The following LGALS12 variants were observed in gnomAD, a reference collection of about 807,000 sequenced individuals.
The protein encoded by LGALS12 is galectin-12.
Under a neutral mutation model 36.8 loss-of-function variants are expected in LGALS12, and 36 were observed. The ratio of observed to expected loss-of-function variants is 0.98; its 90% CI spans 0.75 to 1.29. The LOEUF is 1.29. Ranked by LOEUF, LGALS12 falls within the 50% of genes most tolerant of loss-of-function variation. The pLI is 0.00. For missense variants in LGALS12, 366 were observed against 394.3 expected (o/e 0.93, Z 0.61); for synonymous variants, 145 against 155.9 (o/e 0.93, Z 0.52).
chr11:63,514,478 G>T (rs902058027), intron 7 of LGALS12, among the ~76,000 whole-genome samples: 2 of 152,208 alleles, frequency 1.3e-5, no homozygotes, highest in African/African-American at 4.8e-5. Context: ...GGCTGAGGCA[G>T]GAGAACTGCT....
Position 63,515,706 on chromosome 11 carries a change from T to A in LGALS12, c.791T>A (p.Phe264Tyr), listed in dbSNP as rs146548773. ...CCCTTCCTCTTTTACCCCCAGAGAT[T>A]CTTTGAGGTAGGTCAGAGCCAAATG... The part of the protein sequence containing the change: ...SAPFLFYPQR[F>Y]FEVLLLFQEG... The change falls in exon 8 of 9, where the codon TTC (phenylalanine) becomes TAC (tyrosine). Residue 264 changes from phenylalanine (F) to tyrosine (Y), a missense_variant. Physicochemically the swap from Phe to Tyr is conservative, Grantham distance 22. Transcript: ENST00000394618. The A allele has an allele frequency of 1.2e-6, 2 of 1,614,054 alleles. No homozygotes were observed. Among genetic ancestry groups the A allele is most frequent in the Non-Finnish European group, 1.7e-6 (2 of 1,179,980 alleles).
At chr11:63,514,020 G>A (rs140681148) in intron 7 of LGALS12, among the ~76,000 whole-genome samples, 57 of 152,272 alleles carry the variant, frequency 3.7e-4, no homozygotes, top group African/African-American at 1.3e-3. Context: ...GAGCCATAGT[G>A]GGGCTGGAGG....
At chr11:63,512,848 T>C (rs1160395540) in intron 7 of LGALS12, among the ~76,000 whole-genome samples, 1 of 151,694 alleles carries the variant, frequency 6.6e-6, no homozygotes, top group African/African-American at 2.4e-5. Context: ...GGGTGGTACT[T>C]AGAATAGTGC....
In LGALS12 at chr11:63,514,434, G is replaced by A. The variant is rs549786925; in HGVS notation, c.648-1129G>A. ...AAAATACAAAAATTAGCTGGGCGGT[G>A]CGGGCATGCGCCTGTAGTCCCAGCT... On this transcript the variant is annotated intron_variant, in intron 7 of 8. Coordinates refer to ENST00000394618, the MANE Select transcript of LGALS12 (RefSeq NM_033101.4). Among the ~76,000 whole-genome samples the A allele has an allele frequency of 4.9e-4, 74 of 152,278 alleles. 1 individual carries two copies. The highest frequency in any genetic ancestry group is 2.3e-3 in the South Asian group (11 of 4,826).
At chr11:63,508,194 C>T in intron 1 of LGALS12, 1 of 1,132,222 alleles carries the variant, frequency 8.8e-7, no homozygotes, top group South Asian at 2.3e-5. Context: ...CCTCAGAAAG[C>T]CCCAGTACCA....
At chr11:63,508,395 A>C (rs892786019) in intron 1 of LGALS12, 158 bp from the exon 2 acceptor site, 2 of 1,450,910 alleles carry the variant, frequency 1.4e-6, no homozygotes, top group Admixed American at 2.7e-5. Context: ...AGGTGGAAGA[A>C]AATATTTCAG....
intron 1 of LGALS12, 29 bp from the exon 2 acceptor site, chr11:63,508,524 T>C: frequency 6.2e-7 from 1 of 1,614,032 alleles, no homozygotes; most frequent in Non-Finnish European, 8.5e-7. Flanking sequence ...TCTCCAAACC[T>C]GCATGGATGA....
At chr11:63,515,466 C>T in intron 7 of LGALS12, 97 bp from the exon 8 acceptor site, 2 of 1,427,126 alleles carry the variant, frequency 1.4e-6, no homozygotes, top group South Asian at 2.6e-5. Flanking sequence ...GCTCAACCTT[C>T]CATCCACTCC....
At chr11:63,514,581 A>C (rs1388264023) in intron 7 of LGALS12, among the ~76,000 whole-genome samples, 1 of 152,182 alleles carries the variant, frequency 6.6e-6, no homozygotes, top group African/African-American at 2.4e-5. Flanking sequence ...AAAAAATAAA[A>C]TAAAATAAAG....
At chr11:63,512,021 T>C (rs2016941414) in intron 7 of LGALS12, among the ~76,000 whole-genome samples, 181 bp downstream of exon 7, 1 of 152,226 alleles carries the variant, frequency 6.6e-6, no homozygotes, top group Non-Finnish European at 1.5e-5. Context: ...AAGGTCAGGC[T>C]GGGACTGGGA....
rs377521084 is a variant in LGALS12, at chr11:63,508,644, A to G, written c.158+3A>G. 2 of 1,613,920 alleles carry G rather than the reference A, an allele frequency of 1.2e-6. No homozygotes were observed. The highest frequency in any genetic ancestry group is 1.7e-6 in the Non-Finnish European group (2 of 1,179,994). ...GTGGTCCCTCTAGATGCACACAGGT[A>G]AGGCGGGGGAGGTGGCCCAGGGGGT... On this transcript the variant is annotated splice_donor_region_variant and intron_variant, in intron 2 of 8. Transcript: ENST00000394618.
chr11:63,515,325 C>A (rs1276241495), intron 7 of LGALS12, among the ~76,000 whole-genome samples: 2 of 152,242 alleles, frequency 1.3e-5, no homozygotes, highest in African/African-American at 4.8e-5. Flanking sequence ...CCCCATCCTC[C>A]TGTAGTCATA....
chr11:63,508,386 G>A lies in LGALS12; in HGVS notation c.70-167G>A, dbSNP rs1053475829. 6 of 1,446,970 alleles carry A rather than the reference G, an allele frequency of 4.1e-6. No homozygotes were observed. In the African/African-American group the frequency reaches 7.2e-5, roughly 17 times the overall value. 89.6% of individuals were successfully genotyped at this position (1,446,970 alleles called of 1,614,324 possible). On this transcript the variant is annotated intron_variant, in intron 1 of 8. Transcript: ENST00000394618. ...TGTGACGGTCCAGGAAAGGGGATTA[G>A]GTGGAAGAAAATATTTCAGTGAACA...
intron 8 of LGALS12, among the ~76,000 whole-genome samples, 167 bp downstream of exon 8, chr11:63,515,880 A>G (rs186744555): frequency 2.0e-5 from 3 of 151,952 alleles, no homozygotes; most frequent in Non-Finnish European, 4.4e-5. Flanking sequence ...TCAACGCTCC[A>G]CTCTGATGCC....
In LGALS12 at chr11:63,508,585, C is replaced by A; in HGVS notation, c.102C>A (p.Gly34=). The A allele has an allele frequency of 6.2e-7, 1 of 1,614,128 alleles. No individual in the cohort carries two copies. The highest frequency in any genetic ancestry group is 8.5e-7 in the Non-Finnish European group (1 of 1,180,014). The change falls in exon 2 of 9, where the codon GGC becomes GGA. Residue 34 remains glycine (G), a synonymous_variant. Transcript: ENST00000394618. The part of the protein sequence containing the change: ...VVPYVTTIFG[G]LHAGKMVMLQ... The stretch of plus-strand genomic sequence containing the variant: ...CTTATGTCACGACGATTTTTGGAGG[C>A]CTGCATGCAGGCAAGATGGTCATGC...
At chr11:63,516,209 GCTGGAAGCTGC>G in intron 8 of LGALS12, 27 bp from the exon 9 acceptor site, 1 of 1,527,142 alleles carries the variant, frequency 6.5e-7, no homozygotes, top group Non-Finnish European at 8.7e-7. Flanking sequence ...GGAAAGTCTG[GCTGGAAGCTGC>G]AACCCCCTCA....
At chr11:63,515,904 C>T (rs2017067492) in intron 8 of LGALS12, among the ~76,000 whole-genome samples, 191 bp downstream of exon 8, 1 of 148,966 alleles carries the variant, frequency 6.7e-6, no homozygotes, top group South Asian at 2.1e-4. Context: ...GATCCCATGG[C>T]CAGAAACTCA....
chr11:63,515,845 A>C (rs1190929234), intron 8 of LGALS12, 132 bp downstream of exon 8: 5 of 915,632 alleles, frequency 5.5e-6, no homozygotes, highest in Non-Finnish European at 8.2e-6. Flanking sequence ...CCAGCAGAGC[A>C]CAGCGAATGT....
chr11:63,508,424 T>C, intron 1 of LGALS12, 129 bp from the exon 2 acceptor site: 1 of 1,472,920 alleles, frequency 6.8e-7, no homozygotes, highest in Non-Finnish European at 9.0e-7. Flanking sequence ...GATTTTTACC[T>C]ATAAGGAATT....
Sources: allele counts gnomAD v4.1 joint callset (sites outside exome capture counted in the v4.1 genomes callset), GRCh38; gene constraint gnomAD v4.1.1; transcripts MANE v1.5; gene names NCBI Gene and HGNC (gene_info 2026-07-23, HGNC 2026-07-21).